TXNL4A: variants seen among roughly 807,000 people sequenced by gnomAD.
TXNL4A encodes thioredoxin like 4A, also known as thioredoxin-like protein 4A.
A neutral mutation model predicts 14.6 loss-of-function variants in TXNL4A; 17 were observed. That is an observed-to-expected ratio of 1.16 (90% CI 0.80 to 1.74). TXNL4A has a LOEUF of 1.74. Ranked by LOEUF, TXNL4A falls within the 40% of genes most tolerant of loss-of-function variation. The probability of loss-of-function intolerance (pLI) is 0.00; values close to 1 mark genes in which losing one functional copy is unlikely to be tolerated. For missense variants in TXNL4A, 74 were observed against 195.2 expected (o/e 0.38, Z 3.70); for synonymous variants, 83 against 70.6 (o/e 1.18, Z -0.88).
At chr18:80,010,477 C>T (rs1383789980) in intron 1 of TXNL4A, among the ~76,000 whole-genome samples, 1 of 151,924 alleles carries the variant, frequency 6.6e-6, no homozygotes, top group East Asian at 1.9e-4. Context: ...GGCCTGGGAC[C>T]AACCAGAGGC....
intron 1 of TXNL4A, among the ~76,000 whole-genome samples, chr18:80,024,916 A>G (rs1309824632): frequency 6.6e-6 from 1 of 152,208 alleles, no homozygotes; most frequent in Non-Finnish European, 1.5e-5. Context: ...AAGGAGCTCT[A>G]AATTATGAGG....
At chr18:80,004,011 G>A (rs774614417) in intron 1 of TXNL4A, among the ~76,000 whole-genome samples, 1 of 151,994 alleles carries the variant, frequency 6.6e-6, no homozygotes, top group Admixed American at 6.6e-5. Flanking sequence ...TTTTGGGTGG[G>A]GACACAGCCA....
At chr18:80,023,160 G>A (rs1276777184) in intron 1 of TXNL4A, among the ~76,000 whole-genome samples, 5 of 152,152 alleles carry the variant, frequency 3.3e-5, no homozygotes, top group African/African-American at 7.2e-5. Context: ...CAGAACAGGT[G>A]CCTTAAAAGA....
rs926039113 is a variant in TXNL4A at position 80,011,656 on chromosome 18, C to T, written c.-61+22195G>A. 3.3e-5 allele frequency among the ~76,000 whole-genome samples: 5 copies of T among 152,128 alleles called. No individual in the cohort carries two copies. Among genetic ancestry groups the T allele is most frequent in the African/African-American group, 4.8e-5 (2 of 41,422 alleles). ...ATGCCCCGAGAGCACAACCGCTCGG[C>T]GGCATTCCACAGGTGGCTCAGGGAG... On this transcript the variant is annotated intron_variant, in intron 1 of 2. Transcript: ENST00000585474. This position sits in a 1 kb window ranked among gnomAD's most constrained non-coding sequence, Gnocchi z 4.1.
At chr18:79,995,469 TCA>T (rs1419776851) in intron 1 of TXNL4A, 2 of 152,338 alleles carry the variant, frequency 1.3e-5, no homozygotes, top group South Asian at 2.1e-4. Flanking sequence ...TTAGATTATT[TCA>T]CACGTTTTGA....
intron 1 of TXNL4A, among the ~76,000 whole-genome samples, chr18:80,032,788 C>A (rs902442793): frequency 2.6e-5 from 4 of 152,132 alleles, no homozygotes; most frequent in African/African-American, 7.2e-5. Flanking sequence ...TGCAGTGAGC[C>A]GGGATCACGC....
At chr18:80,014,564 C>T (rs945996449) in intron 1 of TXNL4A, among the ~76,000 whole-genome samples, 2 of 152,202 alleles carry the variant, frequency 1.3e-5, no homozygotes, top group African/African-American at 2.4e-5. Context: ...TGGGCAGCTC[C>T]ACCCCTGTGG....
At chr18:80,008,691 G>A (rs1466154118) in intron 1 of TXNL4A, among the ~76,000 whole-genome samples, 5 of 152,076 alleles carry the variant, frequency 3.3e-5, no homozygotes, top group Non-Finnish European at 5.9e-5. Context: ...GTACAGAGGT[G>A]TCACATCCAT....
At chr18:80,006,599 A>T (rs1240887910) in intron 1 of TXNL4A, among the ~76,000 whole-genome samples, 2 of 152,220 alleles carry the variant, frequency 1.3e-5, no homozygotes, top group Non-Finnish European at 2.9e-5. Context: ...CCTGGAATTG[A>T]AGCGGTGTCA....
At chr18:79,977,843 T>G in intron 1 of TXNL4A, 142 bp from the exon 2 acceptor site, 1 of 627,372 alleles carries the variant, frequency 1.6e-6, no homozygotes, top group Non-Finnish European at 2.8e-6. Flanking sequence ...AGGGTCTCAC[T>G]CTGTCATCCT....
intron 2 of TXNL4A, chr18:79,977,220 G>A (rs2051393163): frequency 3.5e-6 from 1 of 287,070 alleles, no homozygotes; most frequent in Non-Finnish European, 6.6e-6. Flanking sequence ...GCCTCCCAAA[G>A]TGCTGGGATT....
chr18:80,006,941 G>A (rs552081288), intron 1 of TXNL4A, among the ~76,000 whole-genome samples: 17 of 152,254 alleles, frequency 1.1e-4, no homozygotes, highest in Middle Eastern at 3.4e-3. Context: ...CAGGCGCCAC[G>A]TTGCCTGCTT....
At chr18:80,010,612 C>G (rs933330426) in intron 1 of TXNL4A, among the ~76,000 whole-genome samples, 1 of 152,176 alleles carries the variant, frequency 6.6e-6, no homozygotes, top group East Asian at 1.9e-4. Context: ...TCCTGGGAGC[C>G]CACTGTCTAT....
chr18:80,005,838 G>A (rs778888096), intron 1 of TXNL4A, among the ~76,000 whole-genome samples: 18 of 151,796 alleles, frequency 1.2e-4, no homozygotes, highest in Non-Finnish European at 1.9e-4. Context: ...TGCTTGAACC[G>A]CGAGGCAGAG....
intron 1 of TXNL4A, among the ~76,000 whole-genome samples, chr18:80,012,355 T>C (rs2051775723): frequency 6.6e-6 from 1 of 152,202 alleles, no homozygotes; most frequent in African/African-American, 2.4e-5. Flanking sequence ...GAGAATGCAC[T>C]TTCCAGAAAA....
rs1414034064 is a variant in TXNL4A, at chr18:79,982,197, C to T, written c.154-4496G>A. ...CAAGACCAGCAGCCAGGTCTCAGAT[C>T]CAGCACCAGGGCAAGGAAGCAGAAG... On this transcript the variant is annotated intron_variant, in intron 1 of 2. Transcript: ENST00000269601. The surrounding 1 kb of genome is among the most constrained non-coding windows in gnomAD (Gnocchi z 4.0). 6.7e-6 allele frequency among the ~76,000 whole-genome samples: 1 copy of T among 150,298 alleles called. No individual in the cohort carries two copies. Among genetic ancestry groups the T allele is most frequent in the Non-Finnish European group, 1.5e-5 (1 of 66,986 alleles).
intron 1 of TXNL4A, among the ~76,000 whole-genome samples, chr18:79,996,508 ATG>A (rs1291399599): frequency 6.6e-6 from 1 of 152,168 alleles, no homozygotes; most frequent in Non-Finnish European, 1.5e-5. Flanking sequence ...CGTTGGTCCC[ATG>A]TGTTTCTAAT....
chr18:80,008,733 C>T (rs2051749208), intron 1 of TXNL4A, among the ~76,000 whole-genome samples: 1 of 152,122 alleles, frequency 6.6e-6, no homozygotes, highest in South Asian at 2.1e-4. Flanking sequence ...GTCTCACTTT[C>T]CTTTGAAAGA....
chr18:79,989,790 T>G (rs1397420598), upstream of TXNL4A, among the ~76,000 whole-genome samples: 1 of 150,922 alleles, frequency 6.6e-6, no homozygotes, highest in Non-Finnish European at 1.5e-5. Flanking sequence ...TGGTCGGGAG[T>G]TCAAGACCAG....
Sources: allele counts gnomAD v4.1 joint callset (sites outside exome capture counted in the v4.1 genomes callset), GRCh38; gene constraint gnomAD v4.1.1; non-coding constraint Gnocchi (gnomAD v3.1); transcripts MANE v1.5; gene names NCBI Gene and HGNC (gene_info 2026-07-23, HGNC 2026-07-21).